ERG: variants seen among roughly 807,000 people sequenced by gnomAD.
The protein encoded by ERG is ETS transcription factor ERG.
Under a neutral mutation model 55.3 loss-of-function variants are expected in ERG, and 9 were observed. The observed-to-expected ratio is 0.16, with a 90% confidence interval of 0.10 to 0.28. The LOEUF is 0.28. ERG is among the 10% of genes least tolerant of loss of function. ERG has a pLI of 1.00. For missense variants in ERG, 434 were observed against 631.6 expected, an observed-to-expected ratio of 0.69 and a Z score of 3.35; for synonymous variants, 223 against 237.3, an observed-to-expected ratio of 0.94 and a Z score of 0.55.
chr21:38,384,469 A>G (rs765987059), intron 9 of ERG, among the ~76,000 whole-genome samples: 10 of 152,234 alleles, frequency 6.6e-5, no homozygotes, highest in Non-Finnish European at 1.5e-4. Flanking sequence ...GATGGAATGC[A>G]GCGAATTCAT....
At chr21:38,495,712 T>C (rs1418462038) in intron 1 of ERG, among the ~76,000 whole-genome samples, 1 of 152,134 alleles carries the variant, frequency 6.6e-6, no homozygotes, top group African/African-American at 2.4e-5. Context: ...TTCACTAGAC[T>C]TCCCAAATTG....
chr21:38,649,547 T>C (rs576206288), intron 1 of ERG, among the ~76,000 whole-genome samples: 60 of 152,390 alleles, frequency 3.9e-4, no homozygotes, highest in African/African-American at 1.4e-3. Flanking sequence ...ACATGTTCAC[T>C]GAACGTAACC....
At chr21:38,531,871 T>G (rs2059674481) in intron 2 of ERG, among the ~76,000 whole-genome samples, 4 of 152,144 alleles carry the variant, frequency 2.6e-5, no homozygotes. Context: ...AGAACCCAAG[T>G]GCAGTGCGTT....
chr21:38,377,979 T>G (rs1390763026), downstream of ERG, among the ~76,000 whole-genome samples: 1 of 152,200 alleles, frequency 6.6e-6, no homozygotes, highest in Non-Finnish European at 1.5e-5. Flanking sequence ...ACCATTCACC[T>G]GGGCCCTGCA....
upstream of ERG, among the ~76,000 whole-genome samples, chr21:38,587,312 G>A (rs2060071765): frequency 6.6e-6 from 1 of 152,152 alleles, no homozygotes; most frequent in Non-Finnish European, 1.5e-5. Flanking sequence ...CAAGGGGATG[G>A]GGGAGGGGGA....
intron 1 of ERG, among the ~76,000 whole-genome samples, chr21:38,661,069 G>C (rs910396030): frequency 2.0e-5 from 3 of 151,784 alleles, no homozygotes; most frequent in Admixed American, 1.3e-4. Flanking sequence ...AGGCTGGGAC[G>C]GCCGGAGGAG....
Position 38,651,720 on chromosome 21 carries a change from C to T in ERG, c.-150+9938G>A, listed in dbSNP as rs183740017. ...TGCCAGGACCTTACACGGACTCTGC[C>T]TCCACGTCACTCGCTCCCTTCCGGT... is the stretch of plus-strand genomic sequence containing the variant. On this transcript the variant is annotated intron_variant, in intron 1 of 10. Coordinates refer to the ERG transcript ENST00000398910. Among the ~76,000 whole-genome samples, 8 of 152,208 alleles carry T rather than the reference C, an allele frequency of 5.3e-5. No homozygotes were observed. The East Asian group carries it at 1.5e-3, about 29-fold the overall frequency.
chr21:38,411,604 A>T (rs1177694009), intron 3 of ERG, among the ~76,000 whole-genome samples: 1 of 152,224 alleles, frequency 6.6e-6, no homozygotes, highest in Non-Finnish European at 1.5e-5. Flanking sequence ...CACCATGCCC[A>T]GCTGAAATTA....
At chr21:38,546,629 G>A (rs2836505) in intron 2 of ERG, among the ~76,000 whole-genome samples, 27,643 of 152,070 alleles carry the variant, frequency 0.18, 2,737 homozygotes, top group East Asian at 0.33. Context: ...TCCAAATCAC[G>A]ATGTCTATAT....
intron 1 of ERG, among the ~76,000 whole-genome samples, chr21:38,633,282 GA>G (rs1417900032): frequency 6.6e-6 from 1 of 152,130 alleles, no homozygotes. Context: ...TTGCAAGATG[GA>G]AAATTTCTTC....
intron 1 of ERG, among the ~76,000 whole-genome samples, chr21:38,446,877 A>G (rs919947650): frequency 6.6e-6 from 1 of 152,050 alleles, no homozygotes; most frequent in Non-Finnish European, 1.5e-5. Context: ...CTTGTGTATT[A>G]CCATCTGCCT....
intron 1 of ERG, among the ~76,000 whole-genome samples, chr21:38,636,327 C>T (rs1423699773): frequency 6.6e-6 from 1 of 152,080 alleles, no homozygotes; most frequent in Non-Finnish European, 1.5e-5. Flanking sequence ...AATAAATGCA[C>T]AGAAGAGGTC....
At chr21:38,542,714 T>A (rs1005248922) in intron 2 of ERG, among the ~76,000 whole-genome samples, 1 of 152,210 alleles carries the variant, frequency 6.6e-6, no homozygotes, top group African/African-American at 2.4e-5. Context: ...CACTTAAAAC[T>A]GTGAGGACCA....
chr21:38,477,776 C>T (rs2059202306), intron 1 of ERG, among the ~76,000 whole-genome samples: 1 of 151,896 alleles, frequency 6.6e-6, no homozygotes, highest in Non-Finnish European at 1.5e-5. Context: ...AGCATTTAAA[C>T]AAGAAAAAAA....
intron 1 of ERG, among the ~76,000 whole-genome samples, chr21:38,584,139 T>C (rs2060047571): frequency 6.6e-6 from 1 of 152,154 alleles, no homozygotes; most frequent in South Asian, 2.1e-4. Flanking sequence ...CTTCCACTGA[T>C]CGACCCTGGC....
At chr21:38,573,719 T>G (rs2059977236) in intron 2 of ERG, among the ~76,000 whole-genome samples, 1 of 152,204 alleles carries the variant, frequency 6.6e-6, no homozygotes. Flanking sequence ...CTGAGGGAAC[T>G]CAGAGGCCGG....
At chr21:38,566,479 A>G (rs2059923832) in intron 2 of ERG, among the ~76,000 whole-genome samples, 1 of 152,196 alleles carries the variant, frequency 6.6e-6, no homozygotes, top group Non-Finnish European at 1.5e-5. Context: ...ACTGGGGGCT[A>G]ACCCTAAGCA....
intron 1 of ERG, among the ~76,000 whole-genome samples, chr21:38,487,835 A>T (rs572067512): frequency 6.6e-6 from 1 of 152,368 alleles, no homozygotes; most frequent in Non-Finnish European, 1.5e-5. Flanking sequence ...AAGCAAAAGT[A>T]TGTGAAGAAA....
intron 7 of ERG, among the ~76,000 whole-genome samples, chr21:38,392,163 A>G (rs1988001347): frequency 6.6e-6 from 1 of 152,256 alleles, no homozygotes; most frequent in Non-Finnish European, 1.5e-5. Context: ...CATACACTAC[A>G]TCATTCCTTT....
Sources: gnomAD v4.1 joint callset for allele counts (sites outside exome capture counted in the v4.1 genomes callset) on GRCh38, gnomAD v4.1.1 for gene constraint, MANE v1.5 for transcripts, NCBI Gene and HGNC (gene_info 2026-07-23, HGNC 2026-07-21) for gene names.